Variants in IQGAP1 observed in about 807,000 individuals in gnomAD.
The protein encoded by IQGAP1 is IQ motif containing GTPase activating protein 1.
In IQGAP1, 66 loss-of-function variants were observed where a neutral mutation model predicts 215.6. The ratio of observed to expected loss-of-function variants is 0.31; its 90% CI spans 0.25 to 0.38. The LOEUF (loss-of-function observed/expected upper bound fraction) is 0.38, where lower values mean the gene tolerates loss of function less well. Ranked by LOEUF, IQGAP1 falls within the 10% of genes least tolerant of loss-of-function variation. The pLI is 1.00. For missense variants in IQGAP1, 1,712 were observed against 1,997.1 expected (o/e 0.86, Z 2.72); for synonymous variants, 772 against 728.7 (o/e 1.06, Z -0.96).
At chr15:90,447,267 G>A (rs1965539635) in intron 9 of IQGAP1, among the ~76,000 whole-genome samples, 1 of 152,192 alleles carries the variant, frequency 6.6e-6, no homozygotes, top group Non-Finnish European at 1.5e-5. Flanking sequence ...ATATTAGGAA[G>A]AAATAAACAG....
intron 11 of IQGAP1, among the ~76,000 whole-genome samples, chr15:90,450,836 GT>G (rs1476422031): frequency 1.5e-5 from 2 of 130,594 alleles, no homozygotes; most frequent in African/African-American, 6.3e-5. Flanking sequence ...TTTGGCTGTT[GT>G]TTGAATTTCT....
At chr15:90,473,827 T>C (rs1367492877) in intron 20 of IQGAP1, 29 bp downstream of exon 20, 43 of 1,610,716 alleles carry the variant, frequency 2.7e-5, no homozygotes, top group Non-Finnish European at 3.5e-5. Flanking sequence ...GGTTTCTCCA[T>C]GAGGGGCACA....
At position 90,473,899 on chromosome 15, in the gene IQGAP1, C is replaced by G. The variant is rs1434976730; in HGVS notation, c.2437C>G (p.Gln813Glu). 1.2e-6 allele frequency: 2 copies of G among 1,613,844 alleles called. No individual in the cohort carries two copies. Among genetic ancestry groups the G allele is most frequent in the Non-Finnish European group, 8.5e-7 (1 of 1,179,934 alleles). Residue 813 changes from glutamine (Q) to glutamate (E), a missense_variant, in exon 21 of 38, where the codon CAG becomes GAG. Around this residue, in one of 2 missense-constraint regions of IQGAP1, gnomAD observed 1,021 missense variants for 1,074.2 expected, o/e 0.95. Coordinates refer to ENST00000268182, the MANE Select transcript of IQGAP1 (RefSeq NM_003870.4). Reference sequence around the variant, plus strand: ...TTCCAGGATCCCTTTTCCACAGATTCAGTCCCTGGCAAGGATGCACCAAGC... The same window carrying G: ...TTCCAGGATCCCTTTTCCACAGATTGAGTCCCTGGCAAGGATGCACCAAGC... ...RSHKDEVVKI[Q>E]SLARMHQARK... is the part of the protein sequence containing the mutation.
chr15:90,401,450 C>T lies in IQGAP1; in HGVS notation c.155+10577C>T, dbSNP rs1174484645. Among the ~76,000 whole-genome samples, 6 of 152,202 alleles carry T rather than the reference C, an allele frequency of 3.9e-5. No individual in the cohort carries two copies. In the South Asian group the frequency reaches 1.0e-3, roughly 26 times the overall value. On this transcript the variant is annotated intron_variant, in intron 2 of 37. Coordinates refer to ENST00000268182, the MANE Select transcript of IQGAP1 (RefSeq NM_003870.4). The stretch of plus-strand genomic sequence containing the variant: ...GGAAAGCCAAAATAATCCCCCAAAA[C>T]AAAAAACCAAAAACCTGCAATTTGC...
At position 90,441,649 on chromosome 15, in the gene IQGAP1, G is replaced by C. The variant is rs1409233313; in HGVS notation, c.793G>C (p.Ala265Pro). The change falls in exon 8 of 38, where the codon GCT becomes CCT. Residue 265 changes from alanine (A) to proline (P), a missense_variant. This residue lies in a region of IQGAP1 where 1,021 missense variants were observed against 1,074.2 expected (regional missense o/e 0.95). Transcript: ENST00000268182. Reference sequence around the variant, plus strand: ...CACTTACCAGGATATACTTTACCAGGCTAAGCAGGACAAAATGACAAATGC... The same window carrying C: ...CACTTACCAGGATATACTTTACCAGCCTAAGCAGGACAAAATGACAAATGC... ...ASTYQDILYQAKQDKMTNAKN... is the reference protein window; with the variant it reads ...ASTYQDILYQPKQDKMTNAKN... 1.9e-6 allele frequency: 3 copies of C among 1,612,350 alleles called. No individual in the cohort carries two copies. Among genetic ancestry groups the C allele is most frequent in the Admixed American group, 3.4e-5 (2 of 59,574 alleles).
chr15:90,424,369 A>AT (rs1965190941), intron 2 of IQGAP1, among the ~76,000 whole-genome samples: 2 of 152,094 alleles, frequency 1.3e-5, no homozygotes, highest in Non-Finnish European at 2.9e-5. Flanking sequence ...CATTTGTTTC[A>AT]TTTTTCCCCT....
rs961960614 is a variant in IQGAP1, at chr15:90,501,964, G to C, written c.*1856G>C. 2.6e-5 allele frequency: 4 copies of C among 152,468 alleles called. No homozygotes were observed. The highest frequency in any genetic ancestry group is 5.9e-5 in the Non-Finnish European group (4 of 68,048). 9.4% of individuals were successfully genotyped at this position (152,468 alleles called of 1,614,324 possible). A position where few individuals can be genotyped will look rare whatever the true frequency, so the allele number is the denominator to read the frequency against. Reference sequence around the variant, plus strand: ...CAGAATAGTGTAAAATGCGCTTCAAGAATGTTGATGATGATGATATAGAAT... The same window carrying C: ...CAGAATAGTGTAAAATGCGCTTCAACAATGTTGATGATGATGATATAGAAT... On this transcript the variant is annotated 3_prime_UTR_variant, in exon 38 of 38. Coordinates refer to ENST00000268182, the MANE Select transcript of IQGAP1 (RefSeq NM_003870.4).
intron 2 of IQGAP1, chr15:90,393,675 A>G (rs1014190934): frequency 1.3e-5 from 2 of 152,158 alleles, no homozygotes; most frequent in Non-Finnish European, 2.9e-5. Context: ...CTATTTCTTC[A>G]TCAGGTTCTG....
chr15:90,468,344 C>T (rs1850260344), intron 18 of IQGAP1, among the ~76,000 whole-genome samples: 2 of 152,248 alleles, frequency 1.3e-5, no homozygotes, highest in South Asian at 2.1e-4. Flanking sequence ...GGATTACAGG[C>T]GTGAGCCAGC....
At chr15:90,495,914 T>TTTATTATTATGTTATTATTA (rs1227150397) in intron 36 of IQGAP1, among the ~76,000 whole-genome samples, 13 of 149,572 alleles carry the variant, frequency 8.7e-5, no homozygotes, top group Non-Finnish European at 1.8e-4. Context: ...ATTACAGGCC[T>TTTATTATTATGTTATTATTA]TTATTATTAT....
intron 30 of IQGAP1, among the ~76,000 whole-genome samples, 196 bp from the exon 31 acceptor site, chr15:90,485,834 C>T (rs1000867199): frequency 1.3e-5 from 2 of 152,162 alleles, no homozygotes; most frequent in African/African-American, 2.4e-5. Context: ...TAACATAAGT[C>T]ATTCAACAGA....
In IQGAP1 at chr15:90,466,008, A is replaced by T; in HGVS notation, c.1784A>T (p.Gln595Leu). ...GCTTTTAATGATATGTAGGAAATCC[A>T]GGATGAGTCAGCTGTGTTATGGTTG... The part of the protein sequence containing the change: ...RAKREKAQEI[Q>L]DESAVLWLDE... The change falls in exon 16 of 38, where the codon CAG (glutamine) becomes CTG (leucine). Residue 595 changes from glutamine to leucine, a missense_variant. Physicochemically the swap from Gln to Leu is moderately radical, Grantham distance 113. Around this residue, in one of 2 missense-constraint regions of IQGAP1, gnomAD observed 1,021 missense variants for 1,074.2 expected, o/e 0.95. Coordinates refer to ENST00000268182, the MANE Select transcript of IQGAP1 (RefSeq NM_003870.4). The T allele has an allele frequency of 6.2e-7, 1 of 1,613,982 alleles. No homozygotes were observed. Among genetic ancestry groups the T allele is most frequent in the Non-Finnish European group, 8.5e-7 (1 of 1,179,820 alleles).
At chr15:90,491,197 G>A in intron 33 of IQGAP1, 136 bp from the exon 34 acceptor site, 1 of 672,174 alleles carries the variant, frequency 1.5e-6, no homozygotes, top group Non-Finnish European at 2.6e-6. Flanking sequence ...CATTTGGCAG[G>A]GGGCAGAATT....
At chr15:90,463,922 A>G (rs1032729722) in intron 15 of IQGAP1, among the ~76,000 whole-genome samples, 6 of 152,134 alleles carry the variant, frequency 3.9e-5, no homozygotes, top group African/African-American at 1.2e-4. Context: ...ATGGAGTGAA[A>G]TGTTGTGTCT....
In IQGAP1 at chr15:90,441,492, G is replaced by GTT. The variant is rs371210081; in HGVS notation, c.650-4_650-3dup. 1.4e-4 allele frequency: 164 copies of GTT among 1,187,540 alleles called. No individual in the cohort carries two copies. Among genetic ancestry groups the GTT allele is most frequent in the South Asian group, 2.9e-4 (19 of 65,936 alleles). The allele number at this position is 1,187,540 out of a possible 1,614,324, so 73.6% of individuals were successfully genotyped here. On this transcript the variant is annotated splice_polypyrimidine_tract_variant and intron_variant, in intron 7 of 37. Coordinates refer to ENST00000268182, the MANE Select transcript of IQGAP1 (RefSeq NM_003870.4). ...AGTGTTTTTGTTGGTTTGTTTTTTT[G>GTT]TTTTTTTTTTTAGTACATGCTGCTG...
chr15:90,482,415 A>C (rs1966072240), intron 28 of IQGAP1, 134 bp downstream of exon 28: 1 of 794,942 alleles, frequency 1.3e-6, no homozygotes, highest in Non-Finnish European at 2.1e-6. Context: ...AGCTTTTGAA[A>C]GCAATTGTAA....
intron 2 of IQGAP1, among the ~76,000 whole-genome samples, chr15:90,404,672 A>G (rs868630348): frequency 1.4e-4 from 21 of 152,042 alleles, no homozygotes; most frequent in Middle Eastern, 3.4e-3. Flanking sequence ...GATCTTGGCC[A>G]GGTTCAAGCG....
Position 90,440,515 on chromosome 15 carries a change from C to T in IQGAP1, c.549C>T (p.Asn183=), listed in dbSNP as rs1407405091. 6.4e-7 allele frequency: 1 copy of T among 1,562,852 alleles called. No homozygotes were observed. Among genetic ancestry groups the T allele is most frequent in the Admixed American group, 1.9e-5 (1 of 51,900 alleles). ...GKVDFTEEEI[N]NMKTELEKYG... ...TCCCTCCTGTAGAAGAAGAAATCAA[C>T]AACATGAAGACTGAGTTGGAGAAGT... Residue 183 remains asparagine (N), a synonymous_variant, in exon 7 of 38, where the codon AAC becomes AAT. Transcript: ENST00000268182.
At chr15:90,428,231 C>G (rs895219284) in intron 3 of IQGAP1, among the ~76,000 whole-genome samples, 4 of 151,996 alleles carry the variant, frequency 2.6e-5, no homozygotes, top group Non-Finnish European at 5.9e-5. Flanking sequence ...TGCTACTACA[C>G]CAGGCTAATT....
Sources: allele counts gnomAD v4.1 joint callset (sites outside exome capture counted in the v4.1 genomes callset), GRCh38; gene constraint gnomAD v4.1.1; regional missense constraint gnomAD v4.1.1; transcripts MANE v1.5; gene names NCBI Gene and HGNC (gene_info 2026-07-23, HGNC 2026-07-21).